Variants in PPP2R1B observed in about 807,000 individuals in gnomAD.
PPP2R1B encodes serine/threonine-protein phosphatase 2A 65 kDa regulatory subunit A beta isoform.
Under a neutral mutation model 72.7 loss-of-function variants are expected in PPP2R1B, and 58 were observed. The observed-to-expected ratio is 0.80, with a 90% CI of 0.65 to 0.99. The LOEUF is 0.99. Ranked by LOEUF, PPP2R1B falls within the 50% of genes least tolerant of loss-of-function variation. The probability of loss-of-function intolerance (pLI) is 0.00; values close to 1 mark genes in which losing one functional copy is unlikely to be tolerated. For synonymous variants in PPP2R1B, 256 were observed against 264.6 expected (o/e 0.97, Z 0.32); for missense variants, 695 against 733.6 (o/e 0.95, Z 0.61).
chr11:111,736,300 C>T (rs936702447), downstream of PPP2R1B, among the ~76,000 whole-genome samples: 3 of 152,092 alleles, frequency 2.0e-5, no homozygotes, highest in Non-Finnish European at 2.9e-5. Context: ...ATGGGAGGGC[C>T]GCCTCAATGA....
At chr11:111,688,186 A>G in the PPP2R1B span, 2 of 1,613,334 alleles carry the variant, frequency 1.2e-6, no homozygotes, top group Non-Finnish European at 1.7e-6. This position sits in a 1 kb window ranked among gnomAD's most constrained non-coding sequence, Gnocchi z 4.2. Context: ...AACTGGCTCT[A>G]ATAAGATCCG....
chr11:111,722,767 G>A (rs1943841560), downstream of PPP2R1B: 3 of 1,611,296 alleles, frequency 1.9e-6, no homozygotes, highest in South Asian at 1.1e-5. This position sits in a 1 kb window ranked among gnomAD's most constrained non-coding sequence, Gnocchi z 4.4. Context: ...GTGAGAAGGG[G>A]ACTTTGGCCA....
chr11:111,714,555 G>T, the PPP2R1B span, among the ~76,000 whole-genome samples: 3 of 152,202 alleles, frequency 2.0e-5, no homozygotes, highest in Admixed American at 2.0e-4. Flanking sequence ...GCCTGAACTA[G>T]AATAGTGGCA....
chr11:111,700,010 C>T, the PPP2R1B span, among the ~76,000 whole-genome samples: 1 of 152,186 alleles, frequency 6.6e-6, no homozygotes, highest in Non-Finnish European at 1.5e-5. Context: ...CAACATAAGA[C>T]AGCATGAGTA....
chr11:111,729,716 T>G (rs1437738702), intron 15 of PPP2R1B: 1 of 152,244 alleles, frequency 6.6e-6, no homozygotes, highest in East Asian at 1.9e-4. Context: ...GTGATATTGT[T>G]CCCACAACCT....
At chr11:111,760,047 C>T in intron 4 of PPP2R1B, 96 bp from the exon 5 acceptor site, 1 of 1,291,630 alleles carries the variant, frequency 7.7e-7, no homozygotes, top group Non-Finnish European at 1.1e-6. Context: ...TTTTATCTTA[C>T]AATAATCAGT....
Position 111,755,449 on chromosome 11 carries a change from T to C in PPP2R1B, c.689A>G (p.Asp230Gly). Reference protein sequence around the residue: ...LFTSLASDEQDSVRLLAVEAC... With the variant: ...LFTSLASDEQGSVRLLAVEAC... The stretch of plus-strand genomic sequence containing the variant: ...TTCCACAGCAAGGAGGCGCACTGAA[T>C]CCTAAAGGAACAAAATTTCTGTAAT... Residue 230 changes from aspartate (D) to glycine (G), a missense_variant and splice_region_variant, in exon 6 of 15, where the codon GAT (aspartate) becomes GGT (glycine). By Grantham distance (94) the Asp-to-Gly change is moderately conservative. Coordinates refer to ENST00000527614, the MANE Select transcript of PPP2R1B (RefSeq NM_002716.5). 1 of 1,596,826 alleles carries C rather than the reference T, an allele frequency of 6.3e-7. No homozygotes were observed. The highest frequency in any genetic ancestry group is 8.5e-7 in the Non-Finnish European group (1 of 1,175,322).
chr11:111,754,518 T>A lies in PPP2R1B; in HGVS notation c.1010A>T (p.Gln337Leu). ...GTTTACCTTTATATAAGGCAGAATT[T>A]GATTCATAATTATGGTCTCTCTATC... Reference protein sequence around the residue: ...IEDRETIIMNQILPYIKELVS... With the variant: ...IEDRETIIMNLILPYIKELVS... The change falls in exon 8 of 15, where the codon CAA becomes CTA. Residue 337 changes from glutamine to leucine, a missense_variant. Coordinates refer to ENST00000527614, the MANE Select transcript of PPP2R1B (RefSeq NM_002716.5). 1 of 1,603,304 alleles carries A rather than the reference T, an allele frequency of 6.2e-7. No homozygotes were observed. Among genetic ancestry groups the A allele is most frequent in the Middle Eastern group, 1.7e-4 (1 of 6,042 alleles).
intron 9 of PPP2R1B, 60 bp from the exon 10 acceptor site, chr11:111,752,392 C>A: frequency 6.8e-7 from 1 of 1,476,766 alleles, no homozygotes; most frequent in South Asian, 1.4e-5. Flanking sequence ...GCCCAACAGT[C>A]TCCTGTCAGG....
chr11:111,753,763 A>G (rs1429110506), intron 8 of PPP2R1B, among the ~76,000 whole-genome samples, 186 bp from the exon 9 acceptor site: 2 of 152,002 alleles, frequency 1.3e-5, no homozygotes, highest in African/African-American at 2.4e-5. Flanking sequence ...GTCTACAGAC[A>G]TGCACCACCA....
At chr11:111,758,572 G>A (rs1441382949) in intron 5 of PPP2R1B, among the ~76,000 whole-genome samples, 1 of 152,114 alleles carries the variant, frequency 6.6e-6, no homozygotes, top group African/African-American at 2.4e-5. Flanking sequence ...CCTGGTGACA[G>A]AGTGAGACTC....
Position 111,754,376 on chromosome 11 carries a change from C to T in PPP2R1B, c.1029+123G>A, listed in dbSNP as rs557371704. The stretch of plus-strand genomic sequence containing the variant: ...CAATGTTGCACATTAACACATCTTC[C>T]CCATTCATTCCCTGTCAACCTTTAA... On this transcript the variant is annotated intron_variant, in intron 8 of 14. Transcript: ENST00000527614. The T allele has an allele frequency of 3.3e-5, 43 of 1,307,162 alleles. No individual in the cohort carries two copies. In the African/African-American group the frequency reaches 6.2e-4, roughly 19 times the overall value. 81.0% of individuals were successfully genotyped at this position (1,307,162 alleles called of 1,614,324 possible).
At chr11:111,765,656 T>C (rs1184000495) in intron 1 of PPP2R1B, 5 of 515,362 alleles carry the variant, frequency 9.7e-6, no homozygotes, top group Non-Finnish European at 1.8e-5. Context: ...GGAAGTAAGA[T>C]AATTTTAAAA....
intron 15 of PPP2R1B, chr11:111,729,682 A>G (rs756598513): frequency 6.6e-6 from 1 of 152,160 alleles, no homozygotes; most frequent in Non-Finnish European, 1.5e-5. Context: ...CAAAGCCCCC[A>G]TTTTGGTCAA....
rs972230628 is a variant in PPP2R1B at position 111,741,357 on chromosome 11, T to C, written c.*239A>G. On this transcript the variant is annotated 3_prime_UTR_variant, in exon 15 of 15. Transcript: ENST00000527614. Reference sequence around the variant, plus strand: ...GATAAAGCATTAGGAGACAATCAAGTGTCAGGAATTGGTCAATAAGAACGG... The same window carrying C: ...GATAAAGCATTAGGAGACAATCAAGCGTCAGGAATTGGTCAATAAGAACGG... The C allele has an allele frequency of 1.5e-6, 2 of 1,342,046 alleles. No homozygotes were observed. Among genetic ancestry groups the C allele is most frequent in the Non-Finnish European group, 1.9e-6 (2 of 1,048,020 alleles). The allele number at this position is 1,342,046 out of a possible 1,614,324, so 83.1% of individuals were successfully genotyped here. A position where few individuals can be genotyped will look rare whatever the true frequency, so the allele number is the denominator to read the frequency against.
chr11:111,766,236 T>C lies in PPP2R1B; in HGVS notation c.114+12A>G, dbSNP rs553876052. 1 of 1,613,356 alleles carries C rather than the reference T, an allele frequency of 6.2e-7. No homozygotes were observed. The highest frequency in any genetic ancestry group is 8.5e-7 in the Non-Finnish European group (1 of 1,179,552). On this transcript the variant is annotated intron_variant, in intron 1 of 14. Transcript: ENST00000527614. ...CCGGTCTCGCCTCGGGTCCCCGGCC[T>C]CAGTCCAGTACCTGCACGTCTTCAT...
intron 11 of PPP2R1B, among the ~76,000 whole-genome samples, chr11:111,744,022 T>A (rs1944616786): frequency 6.6e-6 from 1 of 152,086 alleles, no homozygotes; most frequent in Admixed American, 6.5e-5. Flanking sequence ...TTTGGGAGGA[T>A]CTGTGTAAGT....
the PPP2R1B span, among the ~76,000 whole-genome samples, chr11:111,709,307 T>TTAACCTTAA: frequency 6.6e-6 from 1 of 152,196 alleles, no homozygotes; most frequent in Non-Finnish European, 1.5e-5. Context: ...AGGACCTCAT[T>TTAACCTTAA]TAACCTTAAT....
chr11:111,755,059 A>T lies in PPP2R1B; in HGVS notation c.879T>A (p.Asn293Lys). The change falls in exon 7 of 15, where the codon AAT becomes AAA. Residue 293 changes from asparagine (N) to lysine (K), a missense_variant. Transcript: ENST00000527614. ...GGTTCTGAAAGGCGGGGATGAGGTC[A>T]TTTAGGGTGATTTTAGGACCCATGG... ...QKAMGPKITL[N>K]DLIPAFQNLL... 6.2e-7 allele frequency: 1 copy of T among 1,613,988 alleles called. No homozygotes were observed. The highest frequency in any genetic ancestry group is 8.5e-7 in the Non-Finnish European group (1 of 1,179,852).
Sources: gnomAD v4.1 joint callset for allele counts (sites outside exome capture counted in the v4.1 genomes callset) on GRCh38, gnomAD v4.1.1 for gene constraint, Gnocchi (gnomAD v3.1) non-coding constraint, MANE v1.5 for transcripts, NCBI Gene and HGNC (gene_info 2026-07-23, HGNC 2026-07-21) for gene names.